CDYL: variants seen among roughly 807,000 people sequenced by gnomAD.
CDYL encodes the protein chromodomain Y-like protein.
Under a neutral mutation model 47.3 loss-of-function variants are expected in CDYL, and 8 were observed. That is an observed-to-expected ratio of 0.17 (90% CI 0.10 to 0.31). CDYL has a LOEUF of 0.31. Among genes scored for constraint, CDYL ranks in the 10% least tolerant of loss-of-function variants. CDYL has a pLI of 1.00. For missense variants in CDYL, 471 were observed against 701.4 expected (o/e 0.67, Z 3.71); for synonymous variants, 266 against 265.0 (o/e 1.00, Z -0.04).
chr6:4,853,965 A>G (rs1341960032), intron 1 of CDYL, among the ~76,000 whole-genome samples: 1 of 152,262 alleles, frequency 6.6e-6, no homozygotes, highest in East Asian at 1.9e-4. Context: ...AATTCAGCAC[A>G]GATGGGCTTC....
intron 2 of CDYL, among the ~76,000 whole-genome samples, chr6:4,904,254 A>G (rs988317459): frequency 3.7e-4 from 57 of 152,226 alleles, no homozygotes; most frequent in African/African-American, 1.4e-3. Context: ...GATGACACCG[A>G]ATGAATGAGA....
chr6:4,793,011 A>G (rs1758967891), intron 1 of CDYL, among the ~76,000 whole-genome samples: 2 of 151,928 alleles, frequency 1.3e-5, no homozygotes, highest in Admixed American at 1.3e-4. Flanking sequence ...TTCAATTGGT[A>G]TTTGTCTTTC....
chr6:4,900,917 T>C (rs562160189), intron 2 of CDYL, among the ~76,000 whole-genome samples: 1 of 148,652 alleles, frequency 6.7e-6, no homozygotes, highest in African/African-American at 2.5e-5. Flanking sequence ...ACTACACTGA[T>C]CTTCTCTGCA....
intron 4 of CDYL, among the ~76,000 whole-genome samples, chr6:4,942,037 A>G (rs1209918772): frequency 5.5e-4 from 84 of 152,182 alleles, no homozygotes; most frequent in Non-Finnish European, 1.5e-5. Flanking sequence ...GACACAACTG[A>G]AATAGCTTCA....
intron 1 of CDYL, among the ~76,000 whole-genome samples, chr6:4,841,775 A>G (rs1333942710): frequency 6.6e-6 from 1 of 151,602 alleles, no homozygotes; most frequent in East Asian, 1.9e-4. Flanking sequence ...CATAGTTTAG[A>G]TTTTCTTAAA....
At chr6:4,735,024 T>C (rs1757676831) in intron 3 of CDYL, among the ~76,000 whole-genome samples, 1 of 152,186 alleles carries the variant, frequency 6.6e-6, no homozygotes, top group African/African-American at 2.4e-5. Context: ...CAGTGGCTCA[T>C]GCCTGTAATC....
At chr6:4,795,930 GA>G (rs1170821175) in intron 1 of CDYL, among the ~76,000 whole-genome samples, 2 of 152,068 alleles carry the variant, frequency 1.3e-5, no homozygotes, top group African/African-American at 4.8e-5. Flanking sequence ...TTCACTTTCA[GA>G]TTTTTTTTCT....
intron 1 of CDYL, among the ~76,000 whole-genome samples, chr6:4,873,827 G>T (rs1016020525): frequency 1.3e-5 from 2 of 152,174 alleles, no homozygotes; most frequent in Non-Finnish European, 1.5e-5. Context: ...CGCCAAGTAG[G>T]AACATCGCAC....
chr6:4,890,955 C>G (rs567507021), intron 1 of CDYL, among the ~76,000 whole-genome samples: 1 of 152,334 alleles, frequency 6.6e-6, no homozygotes, highest in South Asian at 2.1e-4. Flanking sequence ...CGGAAGATCT[C>G]TCTTCCATTT....
At chr6:4,880,415 A>C (rs1311876384) in intron 1 of CDYL, among the ~76,000 whole-genome samples, 1 of 152,178 alleles carries the variant, frequency 6.6e-6, no homozygotes, top group African/African-American at 2.4e-5. Context: ...ACCACAATAT[A>C]CTTACCTATC....
intron 1 of CDYL, among the ~76,000 whole-genome samples, chr6:4,860,580 A>G (rs1465743085): frequency 1.4e-5 from 2 of 146,572 alleles, no homozygotes; most frequent in African/African-American, 5.1e-5. Flanking sequence ...TTTGTATATT[A>G]TGTATAATAT....
chr6:4,800,402 G>T (rs1759189463), intron 1 of CDYL, among the ~76,000 whole-genome samples: 1 of 151,952 alleles, frequency 6.6e-6, no homozygotes, highest in Non-Finnish European at 1.5e-5. Context: ...TAGTATTATT[G>T]TCACAGTTGT....
At chr6:4,744,035 A>T (rs1322645933) in intron 3 of CDYL, among the ~76,000 whole-genome samples, 2 of 152,154 alleles carry the variant, frequency 1.3e-5, no homozygotes, top group Non-Finnish European at 2.9e-5. Context: ...CAAAGATTTT[A>T]TGATAATGTC....
At chr6:4,860,513 A>T (rs958207113) in intron 1 of CDYL, among the ~76,000 whole-genome samples, 10 of 147,498 alleles carry the variant, frequency 6.8e-5, no homozygotes, top group East Asian at 2.0e-4. Context: ...ATATATAAAA[A>T]ATATATATAT....
intron 1 of CDYL, among the ~76,000 whole-genome samples, chr6:4,847,162 G>A (rs897317141): frequency 3.3e-5 from 5 of 152,240 alleles, no homozygotes; most frequent in African/African-American, 1.2e-4. Flanking sequence ...TCATCAGTGT[G>A]TGAGGGTAGT....
intron 2 of CDYL, among the ~76,000 whole-genome samples, chr6:4,893,079 C>G (rs1297405490): frequency 6.6e-6 from 1 of 152,240 alleles, no homozygotes; most frequent in Non-Finnish European, 1.5e-5. Context: ...CCACACTGTG[C>G]CGGCCACAGT....
chr6:4,871,903 G>C (rs1423737500), intron 1 of CDYL, among the ~76,000 whole-genome samples: 1 of 152,222 alleles, frequency 6.6e-6, no homozygotes, highest in African/African-American at 2.4e-5. Context: ...GCTGTTAGGA[G>C]CCTGCATCGT....
chr6:4,763,890 C>T (rs1033678455), intron 3 of CDYL, among the ~76,000 whole-genome samples: 5 of 152,230 alleles, frequency 3.3e-5, no homozygotes, highest in Admixed American at 6.5e-5. Context: ...TTGCAGTGAG[C>T]CGAGATCATG....
At chr6:4,884,140 T>G (rs376938726) in intron 1 of CDYL, among the ~76,000 whole-genome samples, 1 of 152,206 alleles carries the variant, frequency 6.6e-6, no homozygotes, top group South Asian at 2.1e-4. Context: ...GTAGATTTCC[T>G]CCTTTGGGCC....
Sources: allele counts gnomAD v4.1 joint callset (sites outside exome capture counted in the v4.1 genomes callset), GRCh38; gene constraint gnomAD v4.1.1; transcripts MANE v1.5; gene names NCBI Gene and HGNC (gene_info 2026-07-23, HGNC 2026-07-21).